Variants in MTTP observed in about 807,000 individuals in gnomAD.
The protein encoded by MTTP is microsomal triglyceride transfer protein.
A neutral mutation model predicts 90.6 loss-of-function variants in MTTP; 49 were observed. That is an observed-to-expected ratio of 0.54 (90% CI 0.43 to 0.69). The LOEUF (loss-of-function observed/expected upper bound fraction) is 0.69. Ranked by LOEUF, MTTP falls within the 30% of genes least tolerant of loss-of-function variation. MTTP has a pLI of 0.00. For missense variants in MTTP, 945 were observed against 1,067.5 expected, an observed-to-expected ratio of 0.89 and a Z score of 1.60; for synonymous variants, 347 against 384.2, an observed-to-expected ratio of 0.90 and a Z score of 1.13.
In MTTP at chr4:99,601,691, C is replaced by A. The variant is rs1486643983; in HGVS notation, c.1321C>A (p.Gln441Lys). The change falls in exon 10 of 18, where the codon CAG becomes AAG. Residue 441 changes from glutamine to lysine, a missense_variant. Gln to Lys is a moderately conservative substitution (Grantham distance 53). Transcript: ENST00000265517. ...ITGTLVRKLCQNEGCKLKAVV... is the reference protein window; with the variant it reads ...ITGTLVRKLCKNEGCKLKAVV... ...TGGGACACTTGTCAGAAAGTTGTGT[C>A]AGAATGAAGGCTGCAAACTCAAAGT... 1 of 1,612,488 alleles carries A rather than the reference C, an allele frequency of 6.2e-7. No individual in the cohort carries two copies. Among genetic ancestry groups the A allele is most frequent in the African/African-American group, 1.3e-5 (1 of 74,822 alleles).
chr4:99,577,099 A>G (rs1220724502), intron 1 of MTTP, among the ~76,000 whole-genome samples: 1 of 152,204 alleles, frequency 6.6e-6, no homozygotes, highest in Non-Finnish European at 1.5e-5. Flanking sequence ...AACTTTTTGC[A>G]TTATGGTACC....
rs1726218956 is a variant in MTTP at position 99,621,134 on chromosome 4, G to C, written c.2416G>C (p.Glu806Gln). 1 of 1,614,108 alleles carries C rather than the reference G, an allele frequency of 6.2e-7. No homozygotes were observed. Among genetic ancestry groups the C allele is most frequent in the African/African-American group, 1.3e-5 (1 of 75,050 alleles). Residue 806 changes from glutamate (E) to glutamine (Q), a missense_variant, in exon 17 of 18, where the codon GAA (glutamate) becomes CAA (glutamine). Transcript: ENST00000265517. ...FVKAGLETST[E>Q]TEAGLEFIST... is the part of the protein sequence containing the mutation. ...GAAAGCTGGCCTGGAAACCAGTACAGAAACAGAAGCAGGCTTGGAGTTTAT... is the reference window on the plus strand; with the variant it reads ...GAAAGCTGGCCTGGAAACCAGTACACAAACAGAAGCAGGCTTGGAGTTTAT...
At chr4:99,581,868 C>T in intron 1 of MTTP, 37 bp from the exon 2 acceptor site, 1 of 1,604,676 alleles carries the variant, frequency 6.2e-7, no homozygotes, top group Middle Eastern at 1.7e-4. Context: ...TGTTCCCTTA[C>T]AATGAAAACT....
intron 7 of MTTP, among the ~76,000 whole-genome samples, chr4:99,596,636 G>A (rs1242844059): frequency 6.6e-6 from 1 of 152,134 alleles, no homozygotes; most frequent in Non-Finnish European, 1.5e-5. Context: ...TGAGGTGCAG[G>A]TAAATTAGAA....
rs765712127 is a variant in MTTP at position 99,601,656 on chromosome 4, T to G, written c.1286T>G (p.Met429Arg). ...AGCAGTGACATCAGAGAAACTGTTATGATCATCACTGGGACACTTGTCAGA... is the reference window on the plus strand; with the variant it reads ...AGCAGTGACATCAGAGAAACTGTTAGGATCATCACTGGGACACTTGTCAGA... ...IGSSDIRETV[M>R]IITGTLVRKL... Residue 429 changes from methionine to arginine, a missense_variant, in exon 10 of 18, where the codon ATG becomes AGG. Met to Arg is a moderately conservative substitution (Grantham distance 91, BLOSUM62 -1). Coordinates refer to ENST00000265517, the MANE Select transcript of MTTP (RefSeq NM_001386140.1). 1 of 1,613,186 alleles carries G rather than the reference T, an allele frequency of 6.2e-7. No individual in the cohort carries two copies. Among genetic ancestry groups the G allele is most frequent in the East Asian group, 2.2e-5 (1 of 44,788 alleles).
chr4:99,602,057 C>T (rs998421231), intron 10 of MTTP, among the ~76,000 whole-genome samples: 1 of 151,852 alleles, frequency 6.6e-6, no homozygotes, highest in African/African-American at 2.4e-5. Context: ...TTATTGAGTG[C>T]CCACTATGTA....
intron 3 of MTTP, among the ~76,000 whole-genome samples, chr4:99,588,492 A>T (rs1226484106): frequency 5.3e-5 from 8 of 152,042 alleles, no homozygotes; most frequent in Non-Finnish European, 1.0e-4. Flanking sequence ...ATGGCAAAAG[A>T]CACTTATCAT....
chr4:99,591,602 A>G (rs768436674), intron 5 of MTTP, 49 bp from the exon 6 acceptor site: 1 of 1,581,766 alleles, frequency 6.3e-7, no homozygotes, highest in East Asian at 2.2e-5. Context: ...TTGATTCAAT[A>G]ATTTAAACGA....
chr4:99,621,203 C>G lies in MTTP; in HGVS notation c.2485C>G (p.Gln829Glu), dbSNP rs767220699. Residue 829 changes from glutamine to glutamate, a missense_variant, in exon 17 of 18, where the codon CAG becomes GAG. Coordinates refer to ENST00000265517, the MANE Select transcript of MTTP (RefSeq NM_001386140.1). Reference sequence around the variant, plus strand: ...TCAGTACCCATTCTTAGTTTGCATGCAGATGGACAAGGATGAAGCTCCATT... The same window carrying G: ...TCAGTACCCATTCTTAGTTTGCATGGAGATGGACAAGGATGAAGCTCCATT... ...FSQYPFLVCM[Q>E]MDKDEAPFRQ... 6.2e-7 allele frequency: 1 copy of G among 1,614,010 alleles called. No individual in the cohort carries two copies. Among genetic ancestry groups the G allele is most frequent in the East Asian group, 2.2e-5 (1 of 44,872 alleles).
chr4:99,608,885 C>T lies in MTTP; in HGVS notation c.1677C>T (p.Asn559=). The T allele has an allele frequency of 6.2e-7, 1 of 1,614,150 alleles. No individual in the cohort carries two copies. Among genetic ancestry groups the T allele is most frequent in the Non-Finnish European group, 8.5e-7 (1 of 1,180,000 alleles). ...ATCCATCCTACATGGACGTCAAGAA[C>T]ATCCTGCTGTCTATTGGGGAGCTTC... is the stretch of plus-strand genomic sequence containing the variant. ...NNNPSYMDVK[N]ILLSIGELPQ... Residue 559 remains asparagine (N), a synonymous_variant, in exon 12 of 18, where the codon AAC becomes AAT. Coordinates refer to ENST00000265517, the MANE Select transcript of MTTP (RefSeq NM_001386140.1).
At chr4:99,566,735 A>G (rs1305158159) in intron 1 of MTTP, among the ~76,000 whole-genome samples, 1 of 152,234 alleles carries the variant, frequency 6.6e-6, no homozygotes, top group African/African-American at 2.4e-5. Context: ...GGCTATATTC[A>G]GACAGTTGGC....
intron 15 of MTTP, among the ~76,000 whole-genome samples, chr4:99,614,445 G>C (rs889574159): frequency 6.6e-6 from 1 of 152,162 alleles, no homozygotes; most frequent in Non-Finnish European, 1.5e-5. Flanking sequence ...TATCTTTCTT[G>C]TTCCTCATAT....
At chr4:99,589,550 C>T (rs1725361374) in intron 3 of MTTP, 93 bp from the exon 4 acceptor site, 2 of 760,326 alleles carry the variant, frequency 2.6e-6, no homozygotes, top group Non-Finnish European at 4.7e-6. Context: ...AGGATTAATA[C>T]AGGTAAGAAT....
chr4:99,576,114 A>G (rs1310974873), intron 1 of MTTP, among the ~76,000 whole-genome samples: 1 of 152,236 alleles, frequency 6.6e-6, no homozygotes, highest in African/African-American at 2.4e-5. Context: ...CTAAATATTT[A>G]CTATTTAAAC....
At chr4:99,564,930 A>C (rs1724630559) in intron 1 of MTTP, among the ~76,000 whole-genome samples, 1 of 152,188 alleles carries the variant, frequency 6.6e-6, no homozygotes. Context: ...TAAGCCCTTA[A>C]ATTTTACTTG....
At chr4:99,569,520 G>C (rs2110204563) in intron 1 of MTTP, among the ~76,000 whole-genome samples, 1 of 152,066 alleles carries the variant, frequency 6.6e-6, no homozygotes, top group East Asian at 1.9e-4. Context: ...GGCTATATGA[G>C]AAATCTTTGT....
chr4:99,565,968 C>A (rs1225959979), intron 1 of MTTP, among the ~76,000 whole-genome samples: 4 of 152,108 alleles, frequency 2.6e-5, no homozygotes, highest in Non-Finnish European at 4.4e-5. Context: ...TAACATTAAC[C>A]GGGTCATTTA....
At chr4:99,577,323 A>C (rs1724986696) in intron 1 of MTTP, among the ~76,000 whole-genome samples, 1 of 152,082 alleles carries the variant, frequency 6.6e-6, no homozygotes, top group Middle Eastern at 3.2e-3. Context: ...AAGAAAATTG[A>C]GGCTGGGTGT....
chr4:99,590,387 G>A (rs1444449036), intron 4 of MTTP, among the ~76,000 whole-genome samples: 1 of 152,196 alleles, frequency 6.6e-6, no homozygotes, highest in African/African-American at 2.4e-5. Flanking sequence ...ACCGCGCTTG[G>A]TCAAACATCT....
Sources: allele counts gnomAD v4.1 joint callset (sites outside exome capture counted in the v4.1 genomes callset), GRCh38; gene constraint gnomAD v4.1.1; transcripts MANE v1.5; gene names NCBI Gene and HGNC (gene_info 2026-07-23, HGNC 2026-07-21).